STK24: variants seen among roughly 807,000 people sequenced by gnomAD.
STK24 encodes serine/threonine kinase 24.
In STK24, 21 loss-of-function variants were observed where a neutral mutation model predicts 55.6. The ratio of observed to expected loss-of-function variants is 0.38; its 90% CI spans 0.27 to 0.54. STK24 has a LOEUF of 0.54. Ranked by LOEUF, STK24 falls within the 20% of genes least tolerant of loss-of-function variation. STK24 has a pLI of 0.79. For synonymous variants in STK24, 200 were observed against 215.2 expected, an observed-to-expected ratio of 0.93 and a Z score of 0.62; for missense variants, 383 against 538.4, an observed-to-expected ratio of 0.71 and a Z score of 2.86.
At chr13:98,527,398 A>G (rs1320264076) in intron 1 of STK24, among the ~76,000 whole-genome samples, 1 of 152,194 alleles carries the variant, frequency 6.6e-6, no homozygotes. Context: ...CCCCACCCCA[A>G]TTAGAGCGGT....
intron 2 of STK24, among the ~76,000 whole-genome samples, chr13:98,511,932 G>A (rs12431143): frequency 3.7e-4 from 53 of 142,250 alleles, no homozygotes; most frequent in African/African-American, 1.3e-3. Context: ...ACAGAGTCTC[G>A]CTGTGTCACC....
intron 1 of STK24, among the ~76,000 whole-genome samples, chr13:98,536,769 C>T (rs1283567552): frequency 2.6e-5 from 4 of 152,102 alleles, no homozygotes; most frequent in Admixed American, 6.5e-5. Context: ...CCTCTCAGAA[C>T]GATCTTCCAA....
At chr13:98,569,893 T>G (rs942492358) in intron 1 of STK24, among the ~76,000 whole-genome samples, 3 of 150,104 alleles carry the variant, frequency 2.0e-5, no homozygotes, top group African/African-American at 7.3e-5. Context: ...TTTTTTTTTT[T>G]TGAGATGGAG....
In STK24 at chr13:98,450,331, A is replaced by AAAT. The variant is rs1335889464; in HGVS notation, c.*2839_*2841dup. ...TACACAAGCTGTTTTTAAAGGAGGG[A>AAAT]AATATAAAAAATGTTTATAAACTGA... On this transcript the variant is annotated 3_prime_UTR_variant, in exon 11 of 11. Coordinates refer to ENST00000539966, the MANE Select transcript of STK24 (RefSeq NM_001032296.4). 8 of 152,208 alleles carry AAAT rather than the reference A, an allele frequency of 5.3e-5. 1 individual carries two copies. The South Asian group carries it at 6.2e-4, about 12-fold the overall frequency. The allele number at this position is 152,208 out of a possible 1,614,324, so 9.4% of individuals were successfully genotyped here. A position where few individuals can be genotyped will look rare whatever the true frequency, so the allele number is the denominator to read the frequency against.
chr13:98,545,392 A>G (rs1000756827), intron 1 of STK24, among the ~76,000 whole-genome samples: 1 of 152,130 alleles, frequency 6.6e-6, no homozygotes, highest in African/African-American at 2.4e-5. Context: ...CATGCCTGTA[A>G]TCCCGGCACT....
chr13:98,482,044 G>T (rs937371080), intron 3 of STK24, among the ~76,000 whole-genome samples: 11 of 149,296 alleles, frequency 7.4e-5, no homozygotes, highest in Admixed American at 5.3e-4. Context: ...TTCAGCCTGG[G>T]TAACAGGGCA....
intron 5 of STK24, among the ~76,000 whole-genome samples, chr13:98,471,758 C>T (rs1399839554): frequency 2.6e-5 from 4 of 152,184 alleles, no homozygotes; most frequent in African/African-American, 9.7e-5. Flanking sequence ...CCCTTTAGTT[C>T]AGTGAGATGA....
At chr13:98,500,319 T>C (rs1165993744) in intron 2 of STK24, among the ~76,000 whole-genome samples, 1 of 152,178 alleles carries the variant, frequency 6.6e-6, no homozygotes, top group Non-Finnish European at 1.5e-5. Context: ...TCACCACGTT[T>C]CCTAAGGCCT....
Position 98,446,570 on chromosome 13 carries a change from T to C in STK24, c.*6603A>G. 1 of 1,330,156 alleles carries C rather than the reference T, an allele frequency of 7.5e-7. No homozygotes were observed. 82.4% of individuals were successfully genotyped at this position (1,330,156 alleles called of 1,614,324 possible). A position where few individuals can be genotyped will look rare whatever the true frequency, so the allele number is the denominator to read the frequency against. ...GCCCACGCCCGAGGAGGGAGCTGCC[T>C]GGGCTCCCAAGTCCCTGTCTGATGC... is the stretch of plus-strand genomic sequence containing the variant. On this transcript the variant is annotated 3_prime_UTR_variant, in exon 11 of 11. Coordinates refer to ENST00000539966, the MANE Select transcript of STK24 (RefSeq NM_001032296.4).
intron 1 of STK24, among the ~76,000 whole-genome samples, chr13:98,560,180 C>T (rs1055671827): frequency 2.0e-5 from 3 of 152,214 alleles, no homozygotes; most frequent in Non-Finnish European, 4.4e-5. Context: ...AACAGGCAGA[C>T]ACCTCCCCTC....
chr13:98,459,899 G>A (rs1420947277), intron 9 of STK24, among the ~76,000 whole-genome samples: 1 of 152,236 alleles, frequency 6.6e-6, no homozygotes, highest in East Asian at 1.9e-4. Context: ...GAGAGGCTGA[G>A]CAGGGAGTGG....
intron 1 of STK24, among the ~76,000 whole-genome samples, chr13:98,571,215 A>G (rs753568042): frequency 2.5e-4 from 38 of 152,208 alleles, no homozygotes; most frequent in Non-Finnish European, 4.8e-4. Flanking sequence ...TCCCTTCAGT[A>G]ACTGCTCACC....
At chr13:98,545,861 C>T (rs1249250953) in intron 1 of STK24, among the ~76,000 whole-genome samples, 1 of 152,010 alleles carries the variant, frequency 6.6e-6, no homozygotes, top group Non-Finnish European at 1.5e-5. Context: ...ACAATTCTTT[C>T]CATAGGGAAA....
rs113098601 is a variant in STK24, at chr13:98,446,404, A to T, written c.*6769T>A. On this transcript the variant is annotated 3_prime_UTR_variant, in exon 11 of 11. Coordinates refer to ENST00000539966, the MANE Select transcript of STK24 (RefSeq NM_001032296.4). The stretch of plus-strand genomic sequence containing the variant: ...CTGACATTATCATCCACTGAAGGAC[A>T]ACTTCTGCCCTAGGAAGGGCCACCT... The T allele has an allele frequency of 5.0e-6, 3 of 600,966 alleles. No homozygotes were observed. The highest frequency in any genetic ancestry group is 8.9e-6 in the Non-Finnish European group (3 of 338,578). The allele number at this position is 600,966 out of a possible 1,614,324, so 37.2% of individuals were successfully genotyped here.
chr13:98,574,433 T>C lies in STK24; in HGVS notation c.42+2312A>G, dbSNP rs149918247. Among the ~76,000 whole-genome samples, 446 of 152,314 alleles carry C rather than the reference T, an allele frequency of 2.9e-3. 1 individual carries two copies. The highest frequency in any genetic ancestry group is 4.7e-3 in the Non-Finnish European group (323 of 68,022). On this transcript the variant is annotated intron_variant, in intron 1 of 10. Transcript: ENST00000539966. ...TTAGCAGACAACAGTCGAAAGCAGG[T>C]GTGTTTTTAATTGAATCTTCAGCAA...
intron 2 of STK24, among the ~76,000 whole-genome samples, chr13:98,489,703 GGT>G (rs542097532): frequency 1.2e-3 from 184 of 152,316 alleles, no homozygotes; most frequent in African/African-American, 4.2e-3. Flanking sequence ...TGGGGCAGGG[GGT>G]GTGTTTCTCA....
intron 2 of STK24, among the ~76,000 whole-genome samples, chr13:98,512,985 C>T (rs765592399): frequency 1.3e-5 from 2 of 152,214 alleles, no homozygotes; most frequent in Non-Finnish European, 2.9e-5. Context: ...TGCTGCGAAC[C>T]GGCTTCTGCA....
intron 2 of STK24, among the ~76,000 whole-genome samples, chr13:98,511,017 T>C (rs754024587): frequency 6.6e-6 from 1 of 152,166 alleles, no homozygotes; most frequent in African/African-American, 2.4e-5. Flanking sequence ...ATAAAAGAGA[T>C]AGACAGTGTC....
chr13:98,524,036 G>A (rs1165839190), intron 1 of STK24, among the ~76,000 whole-genome samples: 1 of 152,090 alleles, frequency 6.6e-6, no homozygotes, highest in Non-Finnish European at 1.5e-5. Flanking sequence ...AGAGCTGGCA[G>A]CCCGTCCACA....
Sources: gnomAD v4.1 joint callset for allele counts (sites outside exome capture counted in the v4.1 genomes callset) on GRCh38, gnomAD v4.1.1 for gene constraint, MANE v1.5 for transcripts, NCBI Gene and HGNC (gene_info 2026-07-23, HGNC 2026-07-21) for gene names.